The following FRMD3 variants were observed in gnomAD, a reference collection of about 807,000 sequenced individuals.
FRMD3 encodes the protein FERM domain containing 3, also known as FERM domain-containing protein 3.
A neutral mutation model predicts 70.2 loss-of-function variants in FRMD3; 33 were observed. The observed-to-expected ratio is 0.47, with a 90% confidence interval of 0.36 to 0.63. The LOEUF (loss-of-function observed/expected upper bound fraction) is 0.63. FRMD3 is among the 20% of genes least tolerant of loss of function. The pLI, the probability that FRMD3 is intolerant of heterozygous loss-of-function variation, is 0.00. For missense variants in FRMD3, 632 were observed against 711.4 expected, an observed-to-expected ratio of 0.89 and a Z score of 1.27; for synonymous variants, 279 against 255.9, an observed-to-expected ratio of 1.09 and a Z score of -0.86.
chr9:83,268,780 A>ACTCCCCT lies in FRMD3; in HGVS notation c.1196-20271_1196-20265dup, dbSNP rs376437865. Among the ~76,000 whole-genome samples the ACTCCCCT allele has an allele frequency of 1.9e-3, 286 of 151,884 alleles. 1 individual carries two copies. The highest frequency in any genetic ancestry group is 6.6e-3 in the African/African-American group (275 of 41,396). ...TTCCAGGGACCTCAATGGGCCCCCCACTCCCCTCTCCTGGGTGAGCAGCCT... is the reference window on the plus strand; with the variant it reads ...TTCCAGGGACCTCAATGGGCCCCCCACTCCCCTCTCCCCTCTCCTGGGTGAGCAGCCT... On this transcript the variant is annotated intron_variant, in intron 13 of 13. Coordinates refer to ENST00000304195, the MANE Select transcript of FRMD3 (RefSeq NM_174938.6).
At chr9:83,262,455 A>G (rs920275114) in intron 13 of FRMD3, among the ~76,000 whole-genome samples, 3 of 152,326 alleles carry the variant, frequency 2.0e-5, no homozygotes, top group East Asian at 3.9e-4. Context: ...ACTGGATGAT[A>G]GCAATGGCTT....
chr9:83,379,925 C>A (rs921167296), intron 2 of FRMD3, among the ~76,000 whole-genome samples: 10 of 152,120 alleles, frequency 6.6e-5, no homozygotes, highest in Non-Finnish European at 1.3e-4. Flanking sequence ...ATGACTTTGC[C>A]CAGCATTACA....
intron 10 of FRMD3, among the ~76,000 whole-genome samples, chr9:83,304,415 A>G (rs1381480550): frequency 6.6e-6 from 1 of 151,952 alleles, no homozygotes; most frequent in Non-Finnish European, 1.5e-5. Context: ...AAAAATATGG[A>G]CTCTCATGCC....
chr9:83,544,231 T>C, the FRMD3 span, among the ~76,000 whole-genome samples: 1 of 152,208 alleles, frequency 6.6e-6, no homozygotes, highest in Admixed American at 6.5e-5. Context: ...TCATGAGCCC[T>C]GGGACAGAGG....
intron 1 of FRMD3, among the ~76,000 whole-genome samples, chr9:83,487,698 G>T (rs1828718286): frequency 6.6e-6 from 1 of 152,126 alleles, no homozygotes; most frequent in African/African-American, 2.4e-5. Flanking sequence ...ATTACCCTGT[G>T]GAACATGCAA....
chr9:83,287,338 TC>T (rs1483662235), intron 13 of FRMD3, among the ~76,000 whole-genome samples: 1 of 152,166 alleles, frequency 6.6e-6, no homozygotes, highest in Admixed American at 6.5e-5. Flanking sequence ...TGCACAGGAA[TC>T]CCACAAAAAG....
At chr9:83,477,628 G>A (rs1828431604) in intron 1 of FRMD3, among the ~76,000 whole-genome samples, 1 of 152,170 alleles carries the variant, frequency 6.6e-6, no homozygotes, top group Non-Finnish European at 1.5e-5. Flanking sequence ...TATTACTACT[G>A]AAGAAAAGGT....
chr9:83,334,590 C>T (rs1186651871), intron 6 of FRMD3, among the ~76,000 whole-genome samples: 1 of 151,992 alleles, frequency 6.6e-6, no homozygotes, highest in Non-Finnish European at 1.5e-5. Flanking sequence ...CAACACTTGT[C>T]ATAACACTGC....
chr9:83,378,914 G>A (rs1825272773), intron 2 of FRMD3, among the ~76,000 whole-genome samples: 1 of 116,042 alleles, frequency 8.6e-6, no homozygotes, highest in African/African-American at 3.2e-5. Context: ...TTTTAGTACA[G>A]ATGGGGTTTC....
At chr9:83,583,434 A>G in the FRMD3 span, among the ~76,000 whole-genome samples, 1 of 152,154 alleles carries the variant, frequency 6.6e-6, no homozygotes, top group African/African-American at 2.4e-5. Flanking sequence ...TTCTCACAAT[A>G]CCGTACTAGC....
At chr9:83,427,945 C>T (rs1826858844) in intron 1 of FRMD3, among the ~76,000 whole-genome samples, 1 of 152,304 alleles carries the variant, frequency 6.6e-6, no homozygotes, top group Admixed American at 6.5e-5. Flanking sequence ...ACACTGCTAA[C>T]AGGAGCATAA....
At chr9:83,459,419 C>G (rs529088472) in intron 1 of FRMD3, among the ~76,000 whole-genome samples, 7 of 152,356 alleles carry the variant, frequency 4.6e-5, no homozygotes, top group Admixed American at 4.6e-4. Flanking sequence ...TCAGCCATGT[C>G]TGGGTGGACC....
chr9:83,547,399 G>A, the FRMD3 span, among the ~76,000 whole-genome samples: 1 of 150,622 alleles, frequency 6.6e-6, no homozygotes, highest in Admixed American at 6.6e-5. Flanking sequence ...GATTTAAAGT[G>A]TCTGAAAGTA....
intron 3 of FRMD3, among the ~76,000 whole-genome samples, chr9:83,370,813 G>A (rs116148038): frequency 9.2e-5 from 14 of 152,288 alleles, no homozygotes; most frequent in African/African-American, 3.1e-4. Flanking sequence ...CTGGGAGGCT[G>A]AGGCACAAGA....
intron 1 of FRMD3, among the ~76,000 whole-genome samples, chr9:83,429,444 C>T (rs1441236248): frequency 2.0e-5 from 3 of 152,154 alleles, no homozygotes; most frequent in Non-Finnish European, 4.4e-5. Context: ...AGCTTACAAA[C>T]ATTCTCCCCA....
At chr9:83,403,984 C>T (rs1021368129) in intron 1 of FRMD3, among the ~76,000 whole-genome samples, 6 of 152,042 alleles carry the variant, frequency 3.9e-5, no homozygotes, top group African/African-American at 1.4e-4. Flanking sequence ...AGTAGTCAGG[C>T]AATTAGCAGG....
intron 13 of FRMD3, among the ~76,000 whole-genome samples, chr9:83,260,277 T>G (rs12341014): frequency 6.6e-6 from 1 of 152,164 alleles, no homozygotes; most frequent in Non-Finnish European, 1.5e-5. Flanking sequence ...ATAGGCAAGT[T>G]AAGGTCACAA....
chr9:83,309,377 T>C (rs1300066046), intron 10 of FRMD3, among the ~76,000 whole-genome samples, 159 bp downstream of exon 10: 2 of 150,182 alleles, frequency 1.3e-5, no homozygotes, highest in African/African-American at 2.5e-5. Flanking sequence ...AAGCCAACAA[T>C]CACCGGGAGT....
At chr9:83,249,009 A>T (rs930751111) in intron 13 of FRMD3, among the ~76,000 whole-genome samples, 3 of 152,216 alleles carry the variant, frequency 2.0e-5, no homozygotes, top group African/African-American at 7.2e-5. Flanking sequence ...CAATCATATT[A>T]TATACCCAAG....
Sources: gnomAD v4.1 joint callset for allele counts (sites outside exome capture counted in the v4.1 genomes callset) on GRCh38, gnomAD v4.1.1 for gene constraint, MANE v1.5 for transcripts, NCBI Gene and HGNC (gene_info 2026-07-23, HGNC 2026-07-21) for gene names.